The following SH3GL2 variants were observed in gnomAD, a reference collection of about 807,000 sequenced individuals.
SH3GL2 encodes SH3 domain containing GRB2 like 2, endophilin A1.
SH3GL2 carries 24 observed loss-of-function variants against 46.0 expected under a neutral mutation model. That is an observed-to-expected ratio of 0.52 (90% CI 0.38 to 0.73). The LOEUF (loss-of-function observed/expected upper bound fraction) is 0.73. Ranked by LOEUF, SH3GL2 falls within the 30% of genes least tolerant of loss-of-function variation. The pLI, the probability that SH3GL2 is intolerant of heterozygous loss-of-function variation, is 0.00. For synonymous variants in SH3GL2, 196 were observed against 147.1 expected (o/e 1.33, Z -2.40); for missense variants, 413 against 424.2 (o/e 0.97, Z 0.23).
chr9:17,685,444 G>C (rs931634285), intron 1 of SH3GL2, among the ~76,000 whole-genome samples: 1 of 152,096 alleles, frequency 6.6e-6, no homozygotes, highest in African/African-American at 2.4e-5. Flanking sequence ...CTTCACAACA[G>C]TACCTAGATT....
At chr9:17,759,660 G>A (rs1462333291) in intron 2 of SH3GL2, among the ~76,000 whole-genome samples, 1 of 152,114 alleles carries the variant, frequency 6.6e-6, no homozygotes, top group African/African-American at 2.4e-5. Context: ...AGCTTATGGT[G>A]ATGATTGTTA....
At chr9:17,640,125 T>A (rs1819641701) in intron 1 of SH3GL2, among the ~76,000 whole-genome samples, 2 of 152,188 alleles carry the variant, frequency 1.3e-5, no homozygotes, top group Admixed American at 1.3e-4. Flanking sequence ...TGACTTTTCT[T>A]ACAATTTATT....
At chr9:17,714,606 G>A (rs926360791) in intron 1 of SH3GL2, among the ~76,000 whole-genome samples, 5 of 151,678 alleles carry the variant, frequency 3.3e-5, no homozygotes, top group African/African-American at 9.7e-5. Flanking sequence ...GTGATATTTA[G>A]TACTTCACTT....
intron 1 of SH3GL2, among the ~76,000 whole-genome samples, chr9:17,619,875 A>T (rs894962781): frequency 6.6e-6 from 1 of 152,152 alleles, no homozygotes; most frequent in Non-Finnish European, 1.5e-5. Context: ...CTTCATATAT[A>T]CTGTGAAATG....
At chr9:17,733,154 C>A (rs1166025149) in intron 1 of SH3GL2, among the ~76,000 whole-genome samples, 1 of 152,128 alleles carries the variant, frequency 6.6e-6, no homozygotes, top group African/African-American at 2.4e-5. Flanking sequence ...CTACAACCCT[C>A]ACCCCATGTC....
intron 1 of SH3GL2, among the ~76,000 whole-genome samples, chr9:17,718,539 A>G (rs1463164344): frequency 6.6e-6 from 1 of 152,120 alleles, no homozygotes; most frequent in African/African-American, 2.4e-5. Flanking sequence ...CCTGGGCAAC[A>G]TGGTGAAATC....
At chr9:17,631,728 C>T (rs952981935) in intron 1 of SH3GL2, among the ~76,000 whole-genome samples, 1 of 152,180 alleles carries the variant, frequency 6.6e-6, no homozygotes, top group Admixed American at 6.5e-5. Flanking sequence ...CCATCATCTT[C>T]TGCAAACTTA....
intron 3 of SH3GL2, among the ~76,000 whole-genome samples, chr9:17,762,162 C>G (rs1244621234): frequency 6.6e-6 from 1 of 152,170 alleles, no homozygotes; most frequent in Admixed American, 6.5e-5. Flanking sequence ...CCTGATAGAC[C>G]TCCTCATTAC....
rs57019804 is a variant in SH3GL2 at position 17,758,561 on chromosome 9, CAAAAAAAAAAA to C, written c.115-2852_115-2842del. Among the ~76,000 whole-genome samples the C allele has an allele frequency of 2.4e-3, 70 of 29,236 alleles. 3 individuals are homozygous for C. Among genetic ancestry groups the C allele is most frequent in the South Asian group, 8.6e-3 (3 of 348 alleles). The allele number at this position is 29,236 out of a possible 152,430, so 19.2% of individuals were successfully genotyped here. ...TGGGGGAGAGAGTAAGACCCTGTCT[CAAAAAAAAAAA>C]AAAAAAAAAAAAAAAAAAAAAAATT... On this transcript the variant is annotated intron_variant, in intron 2 of 8. Transcript: ENST00000380607.
intron 1 of SH3GL2, among the ~76,000 whole-genome samples, chr9:17,661,244 C>A (rs762244951): frequency 6.6e-6 from 1 of 152,140 alleles, no homozygotes; most frequent in Non-Finnish European, 1.5e-5. Context: ...AGAATTTAAT[C>A]TTTTAGCCCT....
At chr9:17,689,536 A>T (rs972552615) in intron 1 of SH3GL2, among the ~76,000 whole-genome samples, 1 of 152,078 alleles carries the variant, frequency 6.6e-6, no homozygotes, top group African/African-American at 2.4e-5. Flanking sequence ...TGTCCTCACC[A>T]TAGCCTACAA....
At chr9:17,636,834 T>C (rs1365848148) in intron 1 of SH3GL2, among the ~76,000 whole-genome samples, 1 of 152,244 alleles carries the variant, frequency 6.6e-6, no homozygotes, top group Non-Finnish European at 1.5e-5. Flanking sequence ...CTTATTGTTA[T>C]AACAATTGCC....
At chr9:17,637,596 A>C (rs559895295) in intron 1 of SH3GL2, among the ~76,000 whole-genome samples, 1 of 152,352 alleles carries the variant, frequency 6.6e-6, no homozygotes, top group Non-Finnish European at 1.5e-5. Flanking sequence ...ATCTTTGGAC[A>C]CACAAGTGTG....
intron 1 of SH3GL2, among the ~76,000 whole-genome samples, chr9:17,587,447 A>C (rs1818400289): frequency 6.6e-6 from 1 of 152,228 alleles, no homozygotes; most frequent in South Asian, 2.1e-4. Flanking sequence ...AAGGAGGGTT[A>C]GAGGAAATCT....
intron 1 of SH3GL2, among the ~76,000 whole-genome samples, chr9:17,661,458 A>C (rs888160133): frequency 6.6e-6 from 1 of 152,236 alleles, no homozygotes; most frequent in African/African-American, 2.4e-5. Flanking sequence ...GAAAAAGTAA[A>C]GATGAAGAAG....
chr9:17,628,514 G>A (rs1819342818), intron 1 of SH3GL2, among the ~76,000 whole-genome samples: 1 of 152,004 alleles, frequency 6.6e-6, no homozygotes, highest in Non-Finnish European at 1.5e-5. Context: ...CAGATGAAAT[G>A]TGGCTTGCCT....
chr9:17,736,890 C>T (rs561951009), intron 1 of SH3GL2, among the ~76,000 whole-genome samples: 6 of 152,022 alleles, frequency 3.9e-5, no homozygotes, highest in African/African-American at 1.4e-4. Flanking sequence ...ATATTGTACA[C>T]AAAAATATGA....
At chr9:17,673,262 C>G (rs1820518829) in intron 1 of SH3GL2, among the ~76,000 whole-genome samples, 2 of 151,976 alleles carry the variant, frequency 1.3e-5, no homozygotes, top group Non-Finnish European at 2.9e-5. Context: ...AATCCTCCCA[C>G]TTCAACCTTC....
intron 1 of SH3GL2, among the ~76,000 whole-genome samples, chr9:17,591,690 C>T (rs1201037745): frequency 1.3e-5 from 2 of 152,134 alleles, no homozygotes; most frequent in South Asian, 2.1e-4. Flanking sequence ...TTTCGGGTCT[C>T]AAAGTTCATC....
Sources: gnomAD v4.1 joint callset for allele counts (sites outside exome capture counted in the v4.1 genomes callset) on GRCh38, gnomAD v4.1.1 for gene constraint, MANE v1.5 for transcripts, NCBI Gene and HGNC (gene_info 2026-07-23, HGNC 2026-07-21) for gene names.